Variants in GRM7 observed in about 807,000 individuals in gnomAD.
The protein encoded by GRM7 is metabotropic glutamate receptor 7.
GRM7 carries 35 observed loss-of-function variants against 84.5 expected under a neutral mutation model. That is an observed-to-expected ratio of 0.41 (90% CI 0.32 to 0.55). The LOEUF is 0.55. GRM7 is among the 20% of genes least tolerant of loss of function. The probability of loss-of-function intolerance (pLI) is 0.19; values close to 1 mark genes in which losing one functional copy is unlikely to be tolerated. For missense variants in GRM7, 1,003 were observed against 1,194.6 expected (o/e 0.84, Z 2.36); for synonymous variants, 487 against 455.1 (o/e 1.07, Z -0.89).
At chr3:7,268,876 G>T (rs1401175735) in intron 2 of GRM7, among the ~76,000 whole-genome samples, 2 of 152,132 alleles carry the variant, frequency 1.3e-5, no homozygotes, top group African/African-American at 4.8e-5. Context: ...GGTTTGATTT[G>T]GTGGACCGAG....
intron 8 of GRM7, among the ~76,000 whole-genome samples, chr3:7,635,528 A>T (rs3864067): frequency 6.6e-6 from 1 of 151,966 alleles, no homozygotes; most frequent in Non-Finnish European, 1.5e-5. Flanking sequence ...CACTGAAAGC[A>T]ATAGTCTGCC....
chr3:7,251,528 T>C (rs186395139), intron 2 of GRM7, among the ~76,000 whole-genome samples: 1 of 152,332 alleles, frequency 6.6e-6, no homozygotes, highest in East Asian at 1.9e-4. Context: ...ATGATATCAC[T>C]ATAATAGCAT....
intron 7 of GRM7, among the ~76,000 whole-genome samples, chr3:7,562,807 C>T (rs1694087022): frequency 6.6e-6 from 1 of 152,070 alleles, no homozygotes. Flanking sequence ...GTCTTCAGTA[C>T]ACTAATACGC....
chr3:7,264,670 C>G (rs1469440745), intron 2 of GRM7, among the ~76,000 whole-genome samples: 1 of 152,110 alleles, frequency 6.6e-6, no homozygotes, highest in Non-Finnish European at 1.5e-5. Flanking sequence ...TGTCCCACTC[C>G]CTTGGTGCCA....
chr3:7,205,617 T>C (rs1321660140), intron 2 of GRM7, among the ~76,000 whole-genome samples: 1 of 152,218 alleles, frequency 6.6e-6, no homozygotes, highest in African/African-American at 2.4e-5. Context: ...AAGTCTCTAT[T>C]TGAGGATGAA....
Position 7,121,333 on chromosome 3 carries a change from TCATCCATCCATC to T in GRM7, c.520-25081_520-25070del, listed in dbSNP as rs71307751. On this transcript the variant is annotated intron_variant, in intron 1 of 9. Transcript: ENST00000357716. ...TTGAGCCATCCTCCCATCCATCTATTCATCCATCCATCCATCCATCCATCCATCCATCCATCC... is the reference window on the plus strand; with the variant it reads ...TTGAGCCATCCTCCCATCCATCTATTCATCCATCCATCCATCCATCCATCC... Among the ~76,000 whole-genome samples the T allele has an allele frequency of 6.6e-3, 993 of 149,554 alleles. 20 individuals are homozygous for T. The highest frequency in any genetic ancestry group is 0.064 in the East Asian group (322 of 5,010).
chr3:7,062,749 C>A (rs531424357), intron 1 of GRM7, among the ~76,000 whole-genome samples: 4 of 151,800 alleles, frequency 2.6e-5, no homozygotes, highest in South Asian at 4.1e-4. Context: ...TAACCCATAT[C>A]AACATTAGAT....
At chr3:7,055,295 A>G (rs1697174855) in intron 1 of GRM7, among the ~76,000 whole-genome samples, 1 of 151,808 alleles carries the variant, frequency 6.6e-6, no homozygotes, top group Non-Finnish European at 1.5e-5. Flanking sequence ...ACCAATAACT[A>G]TTCTTAAGTT....
intron 1 of GRM7, among the ~76,000 whole-genome samples, chr3:6,996,008 A>T (rs1000935116): frequency 2.0e-5 from 3 of 152,186 alleles, no homozygotes; most frequent in Admixed American, 6.6e-5. Context: ...ATCCAGCCAT[A>T]CATATGCCTG....
chr3:7,352,057 C>CACCA (rs1277659188), intron 4 of GRM7, among the ~76,000 whole-genome samples: 126 of 136,960 alleles, frequency 9.2e-4, no homozygotes, highest in African/African-American at 3.2e-3. Context: ...CACACACACA[C>CACCA]CACACACACA....
chr3:7,108,097 C>A (rs922618116), intron 1 of GRM7, among the ~76,000 whole-genome samples: 1 of 152,022 alleles, frequency 6.6e-6, no homozygotes, highest in African/African-American at 2.4e-5. Context: ...TACATTATGC[C>A]ATTTTTAGTG....
intron 2 of GRM7, among the ~76,000 whole-genome samples, chr3:7,265,117 G>A (rs984225835): frequency 2.6e-5 from 4 of 152,142 alleles, no homozygotes; most frequent in Admixed American, 1.3e-4. Context: ...CAAGGACTAG[G>A]GACACATTCA....
intron 1 of GRM7, among the ~76,000 whole-genome samples, chr3:7,098,651 G>A (rs1180208708): frequency 6.6e-6 from 1 of 151,834 alleles, no homozygotes; most frequent in African/African-American, 2.4e-5. Context: ...TCTTCAGTAG[G>A]ACTATAATTA....
chr3:7,067,379 G>A (rs185643867), intron 1 of GRM7, among the ~76,000 whole-genome samples: 53 of 151,812 alleles, frequency 3.5e-4, no homozygotes, highest in Admixed American at 2.7e-3. Flanking sequence ...CATCAACAAC[G>A]GCCAAGCAGA....
intron 1 of GRM7, among the ~76,000 whole-genome samples, chr3:6,972,330 T>G (rs73126800): frequency 0.013 from 2,048 of 152,326 alleles, 46 homozygotes; most frequent in African/African-American, 0.047. Flanking sequence ...TCGGCAGTAC[T>G]GGCTTTTCCA....
At chr3:7,437,970 A>T (rs998080921) in intron 5 of GRM7, among the ~76,000 whole-genome samples, 13 of 146,864 alleles carry the variant, frequency 8.9e-5, no homozygotes, top group East Asian at 2.1e-4. Context: ...AAATTTGTTT[A>T]AAAAAAAAAG....
At chr3:7,286,038 T>C (rs978574184) in intron 2 of GRM7, among the ~76,000 whole-genome samples, 2 of 152,184 alleles carry the variant, frequency 1.3e-5, no homozygotes, top group African/African-American at 2.4e-5. Flanking sequence ...CATTGTCAAA[T>C]AGGTAGCAAC....
At chr3:7,514,597 G>C (rs919975400) in intron 7 of GRM7, among the ~76,000 whole-genome samples, 3 of 152,160 alleles carry the variant, frequency 2.0e-5, no homozygotes, top group African/African-American at 7.2e-5. Flanking sequence ...TCCCACTCCT[G>C]TTTCTATCCA....
At chr3:7,351,775 T>C (rs1358017881) in intron 4 of GRM7, among the ~76,000 whole-genome samples, 2 of 151,960 alleles carry the variant, frequency 1.3e-5, no homozygotes, top group African/African-American at 4.8e-5. Context: ...ATGTTGCTTT[T>C]TGGCCTTTGG....
Sources: allele counts gnomAD v4.1 joint callset (sites outside exome capture counted in the v4.1 genomes callset), GRCh38; gene constraint gnomAD v4.1.1; transcripts MANE v1.5; gene names NCBI Gene and HGNC (gene_info 2026-07-23, HGNC 2026-07-21).